SP4: variants seen among roughly 807,000 people sequenced by gnomAD.
SP4 encodes the protein Sp4 transcription factor, also known as transcription factor Sp4.
In SP4, 19 loss-of-function variants were observed where a neutral mutation model predicts 72.8. The ratio of observed to expected loss-of-function variants is 0.26; its 90% CI spans 0.18 to 0.38. SP4 has a LOEUF of 0.38. Ranked by LOEUF, SP4 falls within the 10% of genes least tolerant of loss-of-function variation. SP4 has a pLI of 1.00. For synonymous variants in SP4, 395 were observed against 333.1 expected, an observed-to-expected ratio of 1.19 and a Z score of -2.02; for missense variants, 1,008 against 926.3, an observed-to-expected ratio of 1.09 and a Z score of -1.14.
intron 3 of SP4, among the ~76,000 whole-genome samples, chr7:21,460,546 G>A (rs1783927951): frequency 6.6e-6 from 1 of 152,194 alleles, no homozygotes; most frequent in African/African-American, 2.4e-5. Context: ...AGTATGGAAG[G>A]GGACCCGAGC....
At chr7:21,463,771 A>G (rs563586799) in intron 3 of SP4, among the ~76,000 whole-genome samples, 3 of 152,304 alleles carry the variant, frequency 2.0e-5, no homozygotes, top group Admixed American at 6.5e-5. Flanking sequence ...TTTTTTCCAA[A>G]CCTGCTTCCT....
At chr7:21,477,344 G>A in intron 4 of SP4, 37 bp downstream of exon 4, 1 of 1,405,184 alleles carries the variant, frequency 7.1e-7, no homozygotes, top group Non-Finnish European at 1.0e-6. Flanking sequence ...CTATTTGGAA[G>A]GCATAAAACA....
intron 5 of SP4, among the ~76,000 whole-genome samples, chr7:21,492,536 C>T (rs1336104408): frequency 6.6e-6 from 1 of 151,938 alleles, no homozygotes; most frequent in Non-Finnish European, 1.5e-5. Flanking sequence ...AAATCTGAAA[C>T]ACTTATAGGC....
chr7:21,510,978 T>C, intron 5 of SP4, 44 bp from the exon 6 acceptor site: 1 of 1,541,052 alleles, frequency 6.5e-7, no homozygotes, highest in Non-Finnish European at 8.8e-7. Flanking sequence ...ATAATTTCAC[T>C]TAAGCAAAAT....
chr7:21,502,123 C>T (rs779673982), intron 5 of SP4, among the ~76,000 whole-genome samples: 2 of 141,752 alleles, frequency 1.4e-5, no homozygotes, highest in Non-Finnish European at 3.0e-5. Flanking sequence ...TTTTGGTAGC[C>T]GTGTGTATTT....
Position 21,430,143 on chromosome 7 carries a change from C to A in SP4, c.978C>A (p.Thr326=), listed in dbSNP as rs769380589. The A allele has an allele frequency of 1.2e-6, 2 of 1,614,090 alleles. No homozygotes were observed. The highest frequency in any genetic ancestry group is 1.3e-5 in the African/African-American group (1 of 74,936). ...ESPSSSTTCT[T]TASTSLTSSD... ...CCTCCTCCTCCACTACCTGCACAAC[C>A]ACTGCTTCAACGTCTTTGACAAGCA... Residue 326 remains threonine, a synonymous_variant, in exon 3 of 6, where the codon ACC becomes ACA. Transcript: ENST00000222584.
At chr7:21,461,593 C>T (rs373176567) in intron 3 of SP4, among the ~76,000 whole-genome samples, 9 of 152,188 alleles carry the variant, frequency 5.9e-5, no homozygotes, top group South Asian at 4.1e-4. Flanking sequence ...CTGCAAACAC[C>T]GCGCGCAGCC....
chr7:21,438,238 C>T (rs1364531005), intron 3 of SP4, among the ~76,000 whole-genome samples: 1 of 152,088 alleles, frequency 6.6e-6, no homozygotes, highest in East Asian at 1.9e-4. Flanking sequence ...GAGTCTTCTT[C>T]TAATTCTAAA....
intron 5 of SP4, among the ~76,000 whole-genome samples, chr7:21,508,842 G>A (rs966464054): frequency 1.5e-5 from 2 of 135,722 alleles, no homozygotes; most frequent in East Asian, 2.3e-4. Flanking sequence ...AGACAAGGCC[G>A]TGCTCTGTCA....
At chr7:21,450,934 A>G (rs1783575478) in intron 3 of SP4, among the ~76,000 whole-genome samples, 1 of 152,198 alleles carries the variant, frequency 6.6e-6, no homozygotes, top group Admixed American at 6.5e-5. Context: ...AGTAAAGTAC[A>G]TGGAAATGGG....
intron 5 of SP4, among the ~76,000 whole-genome samples, chr7:21,504,503 C>A (rs761113950): frequency 6.6e-6 from 1 of 152,092 alleles, no homozygotes; most frequent in Non-Finnish European, 1.5e-5. Context: ...ATCTCTCGTT[C>A]GTCACAACTC....
intron 3 of SP4, among the ~76,000 whole-genome samples, chr7:21,433,188 C>G (rs1229689394): frequency 6.6e-6 from 1 of 152,140 alleles, no homozygotes; most frequent in Non-Finnish European, 1.5e-5. Flanking sequence ...ATGCTGAACA[C>G]TGCCAATAGG....
rs767930677 is a variant in SP4, at chr7:21,428,267, TC to T, written c.7+10del. On this transcript the variant is annotated intron_variant, in intron 1 of 5. Coordinates refer to ENST00000222584, the MANE Select transcript of SP4 (RefSeq NM_003112.5). ...TTAATGCGGGATGAGCGGTACGTAT[TC>T]TCCACCCCCCTCAGTCTCCTTCGCC... 1.4e-5 allele frequency: 21 copies of T among 1,502,122 alleles called. No homozygotes were observed. In the Middle Eastern group the frequency reaches 5.1e-4, roughly 36 times the overall value. 93.0% of individuals were successfully genotyped at this position (1,502,122 alleles called of 1,614,324 possible). A position where few individuals can be genotyped will look rare whatever the true frequency, so the allele number is the denominator to read the frequency against.
At chr7:21,439,119 G>C (rs904664926) in intron 3 of SP4, among the ~76,000 whole-genome samples, 1 of 152,156 alleles carries the variant, frequency 6.6e-6, no homozygotes, top group Non-Finnish European at 1.5e-5. Context: ...CTCTGATAAG[G>C]GGGGACTGCT....
In SP4 at chr7:21,514,158, G is replaced by A. The variant is rs1165104824; in HGVS notation, c.*2889G>A. The A allele has an allele frequency of 6.6e-6, 1 of 152,582 alleles. No individual in the cohort carries two copies. The highest frequency in any genetic ancestry group is 1.5e-5 in the Non-Finnish European group (1 of 67,996). 9.5% of individuals were successfully genotyped at this position (152,582 alleles called of 1,614,324 possible). On this transcript the variant is annotated 3_prime_UTR_variant, in exon 6 of 6. Coordinates refer to ENST00000222584, the MANE Select transcript of SP4 (RefSeq NM_003112.5). Reference sequence around the variant, plus strand: ...TTTCTTTGGTTAGGTTTGTGTATGTGTTGCTGATTACATTAGAACTTGATG... The same window carrying A: ...TTTCTTTGGTTAGGTTTGTGTATGTATTGCTGATTACATTAGAACTTGATG...
intron 3 of SP4, among the ~76,000 whole-genome samples, chr7:21,442,006 TTG>T (rs58100749): frequency 0.046 from 6,039 of 130,410 alleles, 133 homozygotes; most frequent in Non-Finnish European, 0.055. Context: ...GTGTGTGTGT[TTG>T]TGTGTGTGTG....
intron 3 of SP4, among the ~76,000 whole-genome samples, chr7:21,458,751 G>A (rs1783859388): frequency 1.3e-5 from 2 of 152,098 alleles, no homozygotes; most frequent in South Asian, 4.1e-4. Context: ...GGTAGAATAT[G>A]CAAGATGGTT....
intron 5 of SP4, among the ~76,000 whole-genome samples, chr7:21,484,935 A>G (rs1048924657): frequency 1.3e-5 from 2 of 151,900 alleles, no homozygotes; most frequent in Non-Finnish European, 2.9e-5. Context: ...GATTCACACC[A>G]TTATTATCTA....
chr7:21,470,044 A>T (rs1189585736), intron 3 of SP4, among the ~76,000 whole-genome samples: 1 of 152,124 alleles, frequency 6.6e-6, no homozygotes, highest in Admixed American at 6.6e-5. Context: ...TGAGTCAGGG[A>T]GGAAGTGTAG....
Sources: allele counts gnomAD v4.1 joint callset (sites outside exome capture counted in the v4.1 genomes callset), GRCh38; gene constraint gnomAD v4.1.1; transcripts MANE v1.5; gene names NCBI Gene and HGNC (gene_info 2026-07-23, HGNC 2026-07-21).